The following PLAC1 variants were observed in gnomAD, a reference collection of about 807,000 sequenced individuals.
PLAC1 encodes the protein placenta associated 1.
For synonymous variants in PLAC1, 68 were observed against 62.1 expected, an observed-to-expected ratio of 1.09 and a Z score of -0.44; for missense variants, 136 against 163.2, an observed-to-expected ratio of 0.83 and a Z score of 0.91.
At chrX:134,752,544 T>C (rs1360353881) in intron 1 of PLAC1, among the ~76,000 whole-genome samples, 1 of 111,942 alleles carries the variant, frequency 8.9e-6, no homozygotes, top group Non-Finnish European at 1.9e-5. Flanking sequence ...GCTTTTTTTT[T>C]CTTTCAACAG....
At chrX:134,734,330 C>T (rs748744896) in intron 1 of PLAC1, among the ~76,000 whole-genome samples, 1 of 112,855 alleles carries the variant, frequency 8.9e-6, no homozygotes, top group Admixed American at 9.3e-5. Context: ...TGGCTGGTTT[C>T]GGGAGAACTA....
chrX:134,614,786 T>C (rs1437378649), intron 1 of PLAC1, among the ~76,000 whole-genome samples: 1 of 111,484 alleles, frequency 9.0e-6, no homozygotes, highest in Non-Finnish European at 1.9e-5. Flanking sequence ...AGATGTGCAT[T>C]ATCATGCCCA....
intron 2 of PLAC1, among the ~76,000 whole-genome samples, chrX:134,569,739 A>T (rs866294375): frequency 4.2e-5 from 3 of 72,168 alleles, no homozygotes; most frequent in South Asian, 1.0e-3. Flanking sequence ...AGGGTAGAGT[A>T]GTGTGTGTGT....
chrX:134,762,469 CA>C, intron 1 of PLAC1, among the ~76,000 whole-genome samples: 1 of 111,698 alleles, frequency 9.0e-6, no homozygotes, highest in South Asian at 3.7e-4. Flanking sequence ...ATTACATTTC[CA>C]TAAAAATTTT....
At chrX:134,581,367 C>T (rs756442234) in intron 2 of PLAC1, among the ~76,000 whole-genome samples, 1 of 110,648 alleles carries the variant, frequency 9.0e-6, no homozygotes, top group Admixed American at 9.7e-5. Context: ...AAGAAAGCAG[C>T]AGGGTGAAAG....
intron 2 of PLAC1, among the ~76,000 whole-genome samples, chrX:134,726,841 A>AAC (rs2078676255): frequency 1.8e-5 from 2 of 108,476 alleles, no homozygotes; most frequent in African/African-American, 6.7e-5. Flanking sequence ...AAAAAAAAAA[A>AAC]AACTTCCTGG....
At position 134,672,338 on chromosome X, in the gene PLAC1, G is replaced by A. The variant is rs144825861; in HGVS notation, n.174+61097C>T. Among the ~76,000 whole-genome samples, 669 of 111,236 alleles carry A rather than the reference G, an allele frequency of 6.0e-3. 2 individuals carry two copies. The highest frequency in any genetic ancestry group is 9.7e-3 in the Non-Finnish European group (513 of 53,010). On this transcript the variant is annotated intron_variant and non_coding_transcript_variant, in intron 2 of 2. Coordinates refer to the PLAC1 transcript ENST00000466797. ...TGTGGGGAATGCAGGGGCTGACGGGGTATCTCTGGGTGGTCCCAATACCCT... is the reference window on the plus strand; with the variant it reads ...TGTGGGGAATGCAGGGGCTGACGGGATATCTCTGGGTGGTCCCAATACCCT...
At chrX:134,760,696 T>C (rs977410484) in intron 1 of PLAC1, among the ~76,000 whole-genome samples, 4 of 110,948 alleles carry the variant, frequency 3.6e-5, no homozygotes, top group African/African-American at 1.3e-4. Flanking sequence ...ATAGAATAAA[T>C]GGCCCCAGCT....
intron 1 of PLAC1, among the ~76,000 whole-genome samples, chrX:134,609,809 C>T (rs1283482996): frequency 9.0e-6 from 1 of 111,375 alleles, no homozygotes; most frequent in South Asian, 3.8e-4. Context: ...AATCCCAACA[C>T]GGGGAACCCA....
At chrX:134,645,926 A>G (rs2078330799) in intron 1 of PLAC1, among the ~76,000 whole-genome samples, 1 of 111,631 alleles carries the variant, frequency 9.0e-6, no homozygotes, top group Non-Finnish European at 1.9e-5. Flanking sequence ...TGCATGACAA[A>G]TCTTCCCTTT....
intron 1 of PLAC1, among the ~76,000 whole-genome samples, chrX:134,640,467 T>A (rs894035741): frequency 1.8e-5 from 2 of 111,974 alleles, no homozygotes; most frequent in African/African-American, 6.5e-5. Context: ...TAGCCCTTTT[T>A]CCTTCCGTCC....
chrX:134,605,916 G>A (rs758929755), intron 1 of PLAC1: 5 of 112,004 alleles, frequency 4.5e-5, no homozygotes, highest in Non-Finnish European at 9.4e-5. Flanking sequence ...GAGGAAGGAA[G>A]TTCATGTTTC....
rs112871021 is a variant in PLAC1 at position 134,610,871 on chromosome X, C to T, written c.-130-8749G>A. 4.5e-3 allele frequency among the ~76,000 whole-genome samples: 505 copies of T among 111,544 alleles called. 4 individuals are homozygous for T. Among genetic ancestry groups the T allele is most frequent in the African/African-American group, 0.016 (478 of 30,723 alleles). ...GAGGCAGGGTCTCACTCTGTTGCCCCGGCTAGAGTGCAGTGGTATGATCAA... is the reference window on the plus strand; with the variant it reads ...GAGGCAGGGTCTCACTCTGTTGCCCTGGCTAGAGTGCAGTGGTATGATCAA... On this transcript the variant is annotated intron_variant, in intron 1 of 2. Transcript: ENST00000359237.
intron 1 of PLAC1, among the ~76,000 whole-genome samples, chrX:134,611,468 G>A (rs1313636036): frequency 9.6e-6 from 1 of 104,238 alleles, no homozygotes; most frequent in Non-Finnish European, 1.9e-5. Flanking sequence ...TCTGTAAAGT[G>A]GATATAGATA....
At chrX:134,756,053 G>A (rs1328334121) in intron 1 of PLAC1, among the ~76,000 whole-genome samples, 18 of 106,405 alleles carry the variant, frequency 1.7e-4, no homozygotes, top group Admixed American at 8.0e-4. Flanking sequence ...GGGTTTCACC[G>A]TGTTAGCCAG....
At chrX:134,654,300 C>T (rs1179737470) in intron 1 of PLAC1, among the ~76,000 whole-genome samples, 1 of 112,271 alleles carries the variant, frequency 8.9e-6, no homozygotes, top group Admixed American at 9.4e-5. Flanking sequence ...GGTTCTCCAA[C>T]TGCGTATGGC....
At chrX:134,755,791 A>G (rs762368923) in intron 1 of PLAC1, among the ~76,000 whole-genome samples, 2 of 89,906 alleles carry the variant, frequency 2.2e-5, no homozygotes, top group Admixed American at 2.4e-4. Context: ...TTGGACCTTT[A>G]TTTATGTATA....
chrX:134,640,051 C>T (rs2078301206), intron 1 of PLAC1, among the ~76,000 whole-genome samples: 1 of 111,979 alleles, frequency 8.9e-6, no homozygotes, highest in African/African-American at 3.2e-5. Context: ...TGTGCTTGTA[C>T]TCATTTGAGT....
intron 2 of PLAC1, among the ~76,000 whole-genome samples, chrX:134,567,531 G>A (rs986782641): frequency 5.4e-5 from 6 of 111,336 alleles, no homozygotes; most frequent in African/African-American, 1.3e-4. Context: ...CAGGGTGGAA[G>A]GACTGCTTGA....
Sources: allele counts gnomAD v4.1 joint callset (sites outside exome capture counted in the v4.1 genomes callset), GRCh38; gene constraint gnomAD v4.1.1; transcripts MANE v1.5; gene names NCBI Gene and HGNC (gene_info 2026-07-23, HGNC 2026-07-21).